The following NRG3 variants were observed in gnomAD, a reference collection of about 807,000 sequenced individuals.
The protein encoded by NRG3 is pro-neuregulin-3, membrane-bound isoform.
Under a neutral mutation model 66.9 loss-of-function variants are expected in NRG3, and 31 were observed. The ratio of observed to expected loss-of-function variants is 0.46; its 90% confidence interval spans 0.35 to 0.63. The LOEUF (loss-of-function observed/expected upper bound fraction) is 0.63, where lower values mean the gene tolerates loss of function less well. Among genes scored for constraint, NRG3 ranks in the 20% least tolerant of loss-of-function variants. The probability of loss-of-function intolerance (pLI) is 0.00; values close to 1 mark genes in which losing one functional copy is unlikely to be tolerated. For missense variants in NRG3, 910 were observed against 878.9 expected, an observed-to-expected ratio of 1.04 and a Z score of -0.45; for synonymous variants, 393 against 359.4, an observed-to-expected ratio of 1.09 and a Z score of -1.06.
chr10:82,925,874 T>C (rs950139064), intron 4 of NRG3, among the ~76,000 whole-genome samples: 1 of 152,210 alleles, frequency 6.6e-6, no homozygotes, highest in Admixed American at 6.5e-5. Context: ...CTACACCCCC[T>C]TTTGCAGCCT....
intron 1 of NRG3, among the ~76,000 whole-genome samples, chr10:82,135,567 T>C (rs1356111427): frequency 1.3e-5 from 2 of 152,094 alleles, no homozygotes; most frequent in Admixed American, 1.3e-4. Context: ...TGTAATAGCC[T>C]GTCTTCAGGC....
intron 2 of NRG3, among the ~76,000 whole-genome samples, chr10:82,676,012 A>G (rs947614762): frequency 6.6e-6 from 1 of 152,218 alleles, no homozygotes; most frequent in Non-Finnish European, 1.5e-5. Flanking sequence ...AAAAAAAATC[A>G]TATAGGAATC....
chr10:82,154,517 C>CT (rs2071037642), intron 1 of NRG3, among the ~76,000 whole-genome samples: 2 of 148,746 alleles, frequency 1.3e-5, no homozygotes, highest in Non-Finnish European at 1.5e-5. Context: ...TGCTGTTTTG[C>CT]TTTTTTTGCT....
At chr10:82,536,591 G>A (rs1050956098) in intron 2 of NRG3, among the ~76,000 whole-genome samples, 16 of 152,026 alleles carry the variant, frequency 1.1e-4, no homozygotes, top group African/African-American at 3.4e-4. Context: ...TTTGGTGATC[G>A]ACATGAAGAC....
chr10:82,935,526 T>G (rs1349092050), intron 4 of NRG3, among the ~76,000 whole-genome samples: 1 of 152,200 alleles, frequency 6.6e-6, no homozygotes, highest in Admixed American at 6.5e-5. Context: ...AGCACTAACA[T>G]AAACAACGCC....
chr10:82,429,913 CT>C (rs2089686146), intron 2 of NRG3, among the ~76,000 whole-genome samples: 1 of 152,172 alleles, frequency 6.6e-6, no homozygotes, highest in Admixed American at 6.5e-5. Context: ...CTGCCAACAC[CT>C]TCTTGTGAAT....
chr10:82,840,110 C>T (rs971818664), intron 3 of NRG3, among the ~76,000 whole-genome samples: 5 of 152,134 alleles, frequency 3.3e-5, no homozygotes, highest in African/African-American at 1.2e-4. Context: ...AACAAGTTTA[C>T]TTACTTAAGT....
At chr10:82,144,699 A>G (rs1053695031) in intron 1 of NRG3, among the ~76,000 whole-genome samples, 1 of 152,186 alleles carries the variant, frequency 6.6e-6, no homozygotes, top group Non-Finnish European at 1.5e-5. Flanking sequence ...GAATTGGAAA[A>G]CAAACTTTGA....
At chr10:82,287,710 G>T (rs970426856) in intron 1 of NRG3, among the ~76,000 whole-genome samples, 26 of 152,136 alleles carry the variant, frequency 1.7e-4, no homozygotes, top group Admixed American at 6.5e-5. Flanking sequence ...TCTGGGTTCA[G>T]GCTGGCACAG....
At chr10:82,073,585 T>C (rs911653964) in intron 1 of NRG3, among the ~76,000 whole-genome samples, 10 of 152,184 alleles carry the variant, frequency 6.6e-5, no homozygotes, top group Admixed American at 2.0e-4. Context: ...TTAGATCATA[T>C]AGGGAATGTC....
chr10:82,827,031 G>A lies in NRG3; in HGVS notation c.1028-38380G>A, dbSNP rs2062249205. On this transcript the variant is annotated intron_variant, in intron 3 of 8. Coordinates refer to ENST00000372141, the MANE Select transcript of NRG3 (RefSeq NM_001010848.4). ...ATTGTTTGTCAGTATATAATAACGT[G>A]TGTAAATTCCCATAGATATGCCTGA... The A allele has an allele frequency of 2.0e-5, 5 of 248,540 alleles. No individual in the cohort carries two copies. The South Asian group carries it at 2.0e-4, about 10-fold the overall frequency. 15.4% of individuals were successfully genotyped at this position (248,540 alleles called of 1,614,324 possible). A position where few individuals can be genotyped will look rare whatever the true frequency, so the allele number is the denominator to read the frequency against.
chr10:82,277,888 A>G lies in NRG3; in HGVS notation c.824-80851A>G, dbSNP rs78426582. 5.4e-3 allele frequency among the ~76,000 whole-genome samples: 817 copies of G among 152,220 alleles called. 9 individuals carry two copies. Among genetic ancestry groups the G allele is most frequent in the African/African-American group, 0.019 (785 of 41,558 alleles). ...CTGAGGGAAGCAGTGAGAAAAATGG[A>G]TTGGTCTACCCTCCTCAGCCTTTGG... On this transcript the variant is annotated intron_variant, in intron 1 of 8. Transcript: ENST00000372141.
intron 2 of NRG3, among the ~76,000 whole-genome samples, chr10:82,609,216 C>T (rs1204750838): frequency 2.0e-5 from 3 of 152,040 alleles, no homozygotes; most frequent in Admixed American, 6.6e-5. Flanking sequence ...CACTAATAAG[C>T]TTTGTTAGTT....
At chr10:82,916,759 G>A (rs1340478002) in intron 4 of NRG3, among the ~76,000 whole-genome samples, 1 of 152,030 alleles carries the variant, frequency 6.6e-6, no homozygotes, top group Admixed American at 6.6e-5. Context: ...AGGTCTATAG[G>A]CGCGTGCCAC....
At chr10:81,988,888 T>G (rs2060629039) in intron 1 of NRG3, among the ~76,000 whole-genome samples, 1 of 151,744 alleles carries the variant, frequency 6.6e-6, no homozygotes, top group Admixed American at 6.6e-5. Context: ...TTTTTTTTTT[T>G]GAGGAAAAGA....
chr10:82,583,304 C>A (rs1014817000), intron 2 of NRG3, among the ~76,000 whole-genome samples: 1 of 152,128 alleles, frequency 6.6e-6, no homozygotes, highest in Non-Finnish European at 1.5e-5. Context: ...AAAAATAATA[C>A]TGATTCAGTA....
chr10:82,951,618 C>T (rs764078723), intron 5 of NRG3, 47 bp downstream of exon 5: 26 of 1,507,034 alleles, frequency 1.7e-5, no homozygotes, highest in African/African-American at 2.8e-5. Flanking sequence ...TTAGAGAAAG[C>T]GCTTTGTGTT....
At chr10:82,001,388 C>T (rs112543241) in intron 1 of NRG3, among the ~76,000 whole-genome samples, 93 of 151,792 alleles carry the variant, frequency 6.1e-4, no homozygotes, top group African/African-American at 1.9e-3. Context: ...CCATAATCCC[C>T]GCTACTTGGG....
chr10:82,196,925 T>A (rs1414347320), intron 1 of NRG3, among the ~76,000 whole-genome samples: 2 of 152,182 alleles, frequency 1.3e-5, no homozygotes, highest in Non-Finnish European at 2.9e-5. Context: ...CTGGGAAACT[T>A]AAAGCTACCT....
Sources: gnomAD v4.1 joint callset for allele counts (sites outside exome capture counted in the v4.1 genomes callset) on GRCh38, gnomAD v4.1.1 for gene constraint, MANE v1.5 for transcripts, NCBI Gene and HGNC (gene_info 2026-07-23, HGNC 2026-07-21) for gene names.